Variants in TLK2 observed in about 807,000 individuals in gnomAD.
TLK2 encodes tousled like kinase 2, also known as serine/threonine-protein kinase tousled-like 2.
In TLK2, 6 loss-of-function variants were observed where a neutral mutation model predicts 117.3. That is an observed-to-expected ratio of 0.05 (90% CI 0.03 to 0.10). The LOEUF is 0.10. TLK2 is among the 10% of genes least tolerant of loss of function. The probability of loss-of-function intolerance (pLI) is 1.00; values close to 1 mark genes in which losing one functional copy is unlikely to be tolerated. For missense variants in TLK2, 299 were observed against 901.2 expected (o/e 0.33, Z 8.56); for synonymous variants, 257 against 316.7 (o/e 0.81, Z 2.00).
chr17:62,488,948 C>T lies in TLK2; in HGVS notation c.81+7742C>T, dbSNP rs576985333. ...TCAAGTGCTCCTCCCGCCTCAGCCT[C>T]CTGAGTAGCTGGGCCTACAGGCACA... is the stretch of plus-strand genomic sequence containing the variant. On this transcript the variant is annotated intron_variant, in intron 2 of 21. Transcript: ENST00000346027. Among the ~76,000 whole-genome samples, 23 of 151,328 alleles carry T rather than the reference C, an allele frequency of 1.5e-4. No individual in the cohort carries two copies. The South Asian group carries it at 3.8e-3, about 25-fold the overall frequency.
At chr17:62,600,535 C>T in intron 17 of TLK2, 116 bp from the exon 18 acceptor site, 1 of 839,128 alleles carries the variant, frequency 1.2e-6, no homozygotes, top group South Asian at 2.2e-5. Flanking sequence ...TTTTAAGGAA[C>T]AAAGAAGAAA....
intron 11 of TLK2, chr17:62,572,936 A>G: frequency 3.8e-6 from 1 of 263,320 alleles, no homozygotes; most frequent in Non-Finnish European, 7.2e-6. Context: ...GTTCCTTCTG[A>G]GTCAGAAAAT....
chr17:62,602,357 A>G lies in TLK2; in HGVS notation c.1859+177A>G, dbSNP rs529217804. On this transcript the variant is annotated intron_variant, in intron 19 of 21. Coordinates refer to ENST00000346027, the MANE Select transcript of TLK2 (RefSeq NM_006852.6). ...CAACAGTTTGACTCTTGGTATTTATATTAATTTGTCTTAATTTTTCTTTCC... is the reference window on the plus strand; with the variant it reads ...CAACAGTTTGACTCTTGGTATTTATGTTAATTTGTCTTAATTTTTCTTTCC... 2.6e-4 allele frequency among the ~76,000 whole-genome samples: 39 copies of G among 152,344 alleles called. 1 individual carries two copies. The highest frequency in any genetic ancestry group is 2.0e-3 in the Admixed American group (30 of 15,302).
chr17:62,519,872 A>G (rs548765370), intron 2 of TLK2, among the ~76,000 whole-genome samples: 1 of 152,294 alleles, frequency 6.6e-6, no homozygotes, highest in East Asian at 1.9e-4. Context: ...GCCAGTCTAC[A>G]GTCTAGGCTG....
intron 2 of TLK2, among the ~76,000 whole-genome samples, chr17:62,501,059 A>T (rs2074149065): frequency 6.6e-6 from 1 of 152,038 alleles, no homozygotes; most frequent in South Asian, 2.1e-4. Flanking sequence ...TAACGCGGTG[A>T]AACCCCATCT....
chr17:62,600,484 A>T, intron 17 of TLK2, 167 bp from the exon 18 acceptor site: 1 of 580,578 alleles, frequency 1.7e-6, no homozygotes, highest in Non-Finnish European at 2.9e-6. Context: ...GTTTCTTACC[A>T]GAAACCCCTC....
chr17:62,563,327 C>G (rs992415480), intron 10 of TLK2, among the ~76,000 whole-genome samples: 3 of 152,112 alleles, frequency 2.0e-5, no homozygotes, highest in Non-Finnish European at 4.4e-5. Context: ...ACCTGTAGTC[C>G]TAGCTACTCA....
chr17:62,585,468 A>G (rs371672461), intron 15 of TLK2: 42 of 152,360 alleles, frequency 2.8e-4, no homozygotes, highest in African/African-American at 9.6e-4. Flanking sequence ...AACCCGAGAG[A>G]CAGAGGTTGC....
At chr17:62,474,391 T>A (rs1487536306), upstream of TLK2, among the ~76,000 whole-genome samples, 1 of 151,094 alleles carries the variant, frequency 6.6e-6, no homozygotes, top group African/African-American at 2.4e-5. Context: ...TATTTTTTTT[T>A]AATGACATAA....
At chr17:62,483,207 C>T (rs1362333702) in intron 2 of TLK2, among the ~76,000 whole-genome samples, 3 of 151,760 alleles carry the variant, frequency 2.0e-5, no homozygotes, top group Admixed American at 6.6e-5. Context: ...CCCCGCCTCC[C>T]GTAAGTCAGT....
Position 62,612,520 on chromosome 17 carries a change from T to C in TLK2, c.2208T>C (p.Ala736=). The stretch of plus-strand genomic sequence containing the variant: ...CTACAAGTAGCCCTGCTGGAGCTGC[T>C]ATTGCATCAACCTCTGGGGCGTCCA... The part of the protein sequence containing the change: ...SVSTSSPAGA[A]IASTSGASNN... Residue 736 remains alanine (A), a synonymous_variant, in exon 22 of 22, where the codon GCT becomes GCC. Transcript: ENST00000346027. 6.2e-7 allele frequency: 1 copy of C among 1,614,222 alleles called. No individual in the cohort carries two copies. The highest frequency in any genetic ancestry group is 8.5e-7 in the Non-Finnish European group (1 of 1,180,028).
intron 12 of TLK2, 51 bp from the exon 13 acceptor site, chr17:62,576,658 G>C: frequency 7.1e-7 from 1 of 1,403,032 alleles, no homozygotes; most frequent in Non-Finnish European, 1.0e-6. Flanking sequence ...CTTTAAACAG[G>C]CAAACTATGA....
intron 7 of TLK2, among the ~76,000 whole-genome samples, chr17:62,548,252 G>A (rs939018020): frequency 1.1e-4 from 17 of 150,222 alleles, no homozygotes; most frequent in African/African-American, 3.7e-4. Flanking sequence ...GTGTGTGTGT[G>A]TGTGTGTGTG....
intron 2 of TLK2, among the ~76,000 whole-genome samples, chr17:62,485,146 C>T (rs2072190424): frequency 6.6e-6 from 1 of 152,180 alleles, no homozygotes; most frequent in Non-Finnish European, 1.5e-5. Flanking sequence ...GAGTGACTTC[C>T]CTGTGATGGT....
At chr17:62,588,927 A>G (rs2081862839) in intron 16 of TLK2, among the ~76,000 whole-genome samples, 1 of 152,234 alleles carries the variant, frequency 6.6e-6, no homozygotes. Flanking sequence ...GTGACATTAT[A>G]AAATATGAAA....
At position 62,480,822 on chromosome 17, in the gene TLK2, A is replaced by G. The variant is rs568740661; in HGVS notation, c.-5-299A>G. ...TGTTTTGTTCTTTCCCCTGTGCTCA[A>G]CTTTTACAGAAATTATATGAAGGGT... On this transcript the variant is annotated intron_variant, in intron 1 of 21. Transcript: ENST00000346027. 1.6e-3 allele frequency among the ~76,000 whole-genome samples: 244 copies of G among 152,320 alleles called. 3 individuals carry two copies. Among genetic ancestry groups the G allele is most frequent in the African/African-American group, 5.6e-3 (232 of 41,570 alleles).
chr17:62,572,216 G>T (rs886970605), intron 11 of TLK2, among the ~76,000 whole-genome samples: 1 of 151,068 alleles, frequency 6.6e-6, no homozygotes, highest in Non-Finnish European at 1.5e-5. Flanking sequence ...CCACAAAAAT[G>T]AAGGTTGGTT....
chr17:62,495,308 A>G (rs1231648560), intron 2 of TLK2, among the ~76,000 whole-genome samples: 1 of 152,182 alleles, frequency 6.6e-6, no homozygotes, highest in African/African-American at 2.4e-5. Flanking sequence ...ACTCAGAACA[A>G]TTTTGATACA....
At chr17:62,534,174 G>A (rs1055346972) in intron 6 of TLK2, among the ~76,000 whole-genome samples, 1 of 151,948 alleles carries the variant, frequency 6.6e-6, no homozygotes, top group African/African-American at 2.4e-5. Context: ...TTTTTTAAGT[G>A]AACCTTAGAA....
Sources: allele counts gnomAD v4.1 joint callset (sites outside exome capture counted in the v4.1 genomes callset), GRCh38; gene constraint gnomAD v4.1.1; transcripts MANE v1.5; gene names NCBI Gene and HGNC (gene_info 2026-07-23, HGNC 2026-07-21).